Variants in WWOX observed in about 807,000 individuals in gnomAD.
The protein encoded by WWOX is WW domain-containing oxidoreductase.
A neutral mutation model predicts 46.2 loss-of-function variants in WWOX; 69 were observed. That is an observed-to-expected ratio of 1.49 (90% CI 1.23 to 1.82). The LOEUF (loss-of-function observed/expected upper bound fraction) is 1.82. WWOX is among the 40% of genes most tolerant of loss of function. The probability of loss-of-function intolerance (pLI) is 0.00; values close to 1 mark genes in which losing one functional copy is unlikely to be tolerated. For synonymous variants in WWOX, 359 were observed against 202.6 expected (o/e 1.77, Z -6.56); for missense variants, 919 against 542.6 (o/e 1.69, Z -6.89).
intron 8 of WWOX, among the ~76,000 whole-genome samples, chr16:78,590,170 TATAGATAGAAATAA>T (rs1293216654): frequency 2.2e-5 from 1 of 46,100 alleles, no homozygotes; most frequent in African/African-American, 8.1e-5. Flanking sequence ...CTCTGTTTAT[TATAGATAGAAATAA>T]AAAAATTATA....
intron 8 of WWOX, among the ~76,000 whole-genome samples, chr16:78,835,389 A>C (rs2051950414): frequency 6.6e-6 from 1 of 152,206 alleles, no homozygotes; most frequent in Non-Finnish European, 1.5e-5. Context: ...AATCCTCTTA[A>C]AGGGGCCAGC....
At chr16:78,547,407 A>G (rs531039121) in intron 8 of WWOX, among the ~76,000 whole-genome samples, 3 of 152,280 alleles carry the variant, frequency 2.0e-5, no homozygotes, top group Non-Finnish European at 2.9e-5. Flanking sequence ...CACAGCATGC[A>G]CCCAAATGCC....
intron 8 of WWOX, among the ~76,000 whole-genome samples, chr16:78,545,542 A>G (rs1413935988): frequency 2.6e-5 from 4 of 152,136 alleles, no homozygotes; most frequent in Non-Finnish European, 4.4e-5. Flanking sequence ...AACAAGTTCA[A>G]TGTTTTATTT....
At chr16:78,539,919 C>T (rs975373009) in intron 8 of WWOX, among the ~76,000 whole-genome samples, 1 of 151,830 alleles carries the variant, frequency 6.6e-6, no homozygotes, top group Admixed American at 6.6e-5. Context: ...TTTATAAAAC[C>T]ACACTTACAT....
rs1379934749 is a variant in WWOX, at chr16:78,887,447, T to C, written c.1057-324161T>C. On this transcript the variant is annotated intron_variant, in intron 8 of 8. Transcript: ENST00000566780. ...TTATGAAAGTAAGGTGGGAAGGCAA[T>C]GAAGGCAACAAAGTATATAAAACAC... Among the ~76,000 whole-genome samples, 6 of 143,244 alleles carry C rather than the reference T, an allele frequency of 4.2e-5. No homozygotes were observed. In the Admixed American group the frequency reaches 4.4e-4, roughly 10 times the overall value. The allele number at this position is 143,244 out of a possible 152,430, so 94.0% of individuals were successfully genotyped here.
rs147547948 is a variant in WWOX at position 78,476,170 on chromosome 16, C to G, written c.1056+43418C>G. On this transcript the variant is annotated intron_variant, in intron 8 of 8. Transcript: ENST00000566780. ...TACTGGATAGAACTGGAGCATCTAA[C>G]TGGTGTGAGATGGTATCTCATTGTG... Among the ~76,000 whole-genome samples the G allele has an allele frequency of 3.5e-4, 54 of 152,244 alleles. No homozygotes were observed. The East Asian group carries it at 9.9e-3, about 28-fold the overall frequency.
At position 79,185,796 on chromosome 16, in the gene WWOX, T is replaced by C. The variant is rs544853583; in HGVS notation, c.1057-25812T>C. Among the ~76,000 whole-genome samples, 5 of 152,212 alleles carry C rather than the reference T, an allele frequency of 3.3e-5. No individual in the cohort carries two copies. In the South Asian group the frequency reaches 1.0e-3, roughly 32 times the overall value. ...AAACGAGAGGGTGTGGTTCTCAGGG[T>C]AGAATGCATCGGACACTGCCTAGTG... On this transcript the variant is annotated intron_variant, in intron 8 of 8. Transcript: ENST00000566780.
intron 8 of WWOX, chr16:79,004,180 T>C (rs1279796336): frequency 2.6e-5 from 4 of 152,226 alleles, no homozygotes; most frequent in East Asian, 1.9e-4. Context: ...ACTGGTTTTG[T>C]TTGATCTAGT....
chr16:79,050,225 T>C (rs972277083), intron 8 of WWOX, among the ~76,000 whole-genome samples: 2 of 152,174 alleles, frequency 1.3e-5, no homozygotes, highest in African/African-American at 4.8e-5. Context: ...CTGCTGGTTT[T>C]GGTGGGGCTT....
intron 8 of WWOX, among the ~76,000 whole-genome samples, chr16:78,823,803 A>G (rs1325900596): frequency 5.9e-5 from 9 of 151,306 alleles, no homozygotes; most frequent in Admixed American, 1.3e-4. Flanking sequence ...TTAAGACAGA[A>G]TCTTGTTCTG....
At chr16:78,245,952 C>T (rs1346978303) in intron 5 of WWOX, among the ~76,000 whole-genome samples, 1 of 152,162 alleles carries the variant, frequency 6.6e-6, no homozygotes, top group African/African-American at 2.4e-5. Context: ...CTGTTCTCGT[C>T]CGTTCCATAT....
intron 8 of WWOX, among the ~76,000 whole-genome samples, chr16:78,726,342 C>T (rs1036774968): frequency 4.0e-5 from 6 of 151,872 alleles, no homozygotes; most frequent in African/African-American, 1.5e-4. Flanking sequence ...TTCCCCACCT[C>T]AGCCTCCCGG....
At chr16:78,759,858 C>G (rs961912316) in intron 8 of WWOX, among the ~76,000 whole-genome samples, 1 of 152,146 alleles carries the variant, frequency 6.6e-6, no homozygotes, top group Non-Finnish European at 1.5e-5. Flanking sequence ...GAGTCCATTC[C>G]TTTCATCTTC....
At chr16:79,201,048 A>C (rs59344) in intron 8 of WWOX, among the ~76,000 whole-genome samples, 91,664 of 152,028 alleles carry the variant, frequency 0.6, 28,559 homozygotes, top group Non-Finnish European at 0.69. Flanking sequence ...CTTCCAAGAA[A>C]CACATGAAGG....
chr16:78,832,177 T>C (rs1597690084), intron 8 of WWOX, among the ~76,000 whole-genome samples: 1 of 152,250 alleles, frequency 6.6e-6, no homozygotes, highest in East Asian at 1.9e-4. Flanking sequence ...TCAGAATCCT[T>C]GACTGAAGGG....
intron 8 of WWOX, among the ~76,000 whole-genome samples, chr16:79,171,550 C>T (rs78822383): frequency 0.021 from 3,122 of 152,158 alleles, 105 homozygotes; most frequent in African/African-American, 0.071. Context: ...AATGGTAGCC[C>T]CCAGGTCCCC....
intron 5 of WWOX, among the ~76,000 whole-genome samples, chr16:78,310,036 T>A (rs2080209986): frequency 6.6e-6 from 1 of 151,672 alleles, no homozygotes; most frequent in African/African-American, 2.4e-5. Context: ...TTATTGTCAT[T>A]ATCTTCCCTT....
chr16:78,532,044 G>A (rs1462031951), intron 8 of WWOX, among the ~76,000 whole-genome samples: 2 of 150,956 alleles, frequency 1.3e-5, no homozygotes, highest in Admixed American at 6.6e-5. Context: ...GTCAGAAGTG[G>A]TATTTGGGGG....
At chr16:78,593,506 C>G (rs1259283728) in intron 8 of WWOX, among the ~76,000 whole-genome samples, 1 of 152,166 alleles carries the variant, frequency 6.6e-6, no homozygotes, top group Non-Finnish European at 1.5e-5. Context: ...GCACATGACC[C>G]AGGTCAGACC....
Sources: gnomAD v4.1 joint callset for allele counts (sites outside exome capture counted in the v4.1 genomes callset) on GRCh38, gnomAD v4.1.1 for gene constraint, MANE v1.5 for transcripts, NCBI Gene and HGNC (gene_info 2026-07-23, HGNC 2026-07-21) for gene names.